The following MAD1L1 variants were observed in gnomAD, a reference collection of about 807,000 sequenced individuals.
MAD1L1 encodes mitotic arrest deficient 1 like 1, also known as mitotic spindle assembly checkpoint protein MAD1.
Under a neutral mutation model 96.9 loss-of-function variants are expected in MAD1L1, and 95 were observed. The ratio of observed to expected loss-of-function variants is 0.98; its 90% CI spans 0.83 to 1.16. MAD1L1 has a LOEUF of 1.16. MAD1L1 is among the 50% of genes most tolerant of loss of function. MAD1L1 has a pLI of 0.00. For missense variants in MAD1L1, 1,007 were observed against 954.4 expected, an observed-to-expected ratio of 1.06 and a Z score of -0.73; for synonymous variants, 473 against 396.6, an observed-to-expected ratio of 1.19 and a Z score of -2.29.
At chr7:2,056,485 C>G (rs373878516) in intron 12 of MAD1L1, among the ~76,000 whole-genome samples, 1 of 152,202 alleles carries the variant, frequency 6.6e-6, no homozygotes, top group African/African-American at 2.4e-5. Context: ...CAGATTTAGG[C>G]TCCCACTGGG....
At chr7:1,851,560 C>T (rs368545598) in intron 18 of MAD1L1, among the ~76,000 whole-genome samples, 2 of 152,046 alleles carry the variant, frequency 1.3e-5, no homozygotes, top group African/African-American at 4.8e-5. Flanking sequence ...TCTGAAAACT[C>T]GAGGAATGCA....
chr7:2,218,831 G>A (rs899079439), intron 6 of MAD1L1, among the ~76,000 whole-genome samples: 18 of 152,020 alleles, frequency 1.2e-4, no homozygotes, highest in East Asian at 9.6e-4. Context: ...CCCAGGAGGC[G>A]GAGGCTGCAG....
At chr7:2,129,170 G>C (rs1788386019) in intron 11 of MAD1L1, among the ~76,000 whole-genome samples, 1 of 152,202 alleles carries the variant, frequency 6.6e-6, no homozygotes, top group Non-Finnish European at 1.5e-5. Flanking sequence ...GGGCCCGCAG[G>C]ATCCCGGGGG....
chr7:2,050,005 G>T (rs529402791), intron 12 of MAD1L1, among the ~76,000 whole-genome samples: 1 of 130,206 alleles, frequency 7.7e-6, no homozygotes, highest in African/African-American at 3.0e-5. Context: ...CTCACCCAGC[G>T]TCTGCGGACA....
chr7:1,944,801 C>T lies in MAD1L1; in HGVS notation c.1597-7904G>A, dbSNP rs184463336. On this transcript the variant is annotated intron_variant, in intron 16 of 18. Transcript: ENST00000265854. Reference sequence around the variant, plus strand: ...GACCACAGTCTGCAGGACCAGGTGACGTCAGGGTGTGCCCACAGGGCCCTG... The same window carrying T: ...GACCACAGTCTGCAGGACCAGGTGATGTCAGGGTGTGCCCACAGGGCCCTG... Among the ~76,000 whole-genome samples the T allele has an allele frequency of 2.9e-3, 440 of 152,298 alleles. 1 individual carries two copies. The highest frequency in any genetic ancestry group is 0.01 in the African/African-American group (417 of 41,572).
chr7:1,948,565 G>A (rs1216686063), intron 16 of MAD1L1, among the ~76,000 whole-genome samples: 2 of 152,198 alleles, frequency 1.3e-5, no homozygotes, highest in Non-Finnish European at 2.9e-5. Flanking sequence ...GCAGCTCCAC[G>A]TGAAAGGCCA....
At chr7:1,898,442 G>A (rs753989678) in intron 17 of MAD1L1, 52 bp from the exon 18 acceptor site, 1 of 1,552,770 alleles carries the variant, frequency 6.4e-7, no homozygotes, top group Non-Finnish European at 8.8e-7. Flanking sequence ...CCGGAGGGGT[G>A]GGGACCCGGG....
intron 12 of MAD1L1, among the ~76,000 whole-genome samples, chr7:2,027,632 G>T (rs1365906282): frequency 1.3e-5 from 2 of 152,192 alleles, no homozygotes; most frequent in Non-Finnish European, 2.9e-5. Context: ...AAAGGCATTT[G>T]ATTAAAATTC....
At chr7:2,075,039 G>C (rs1365376069) in intron 11 of MAD1L1, among the ~76,000 whole-genome samples, 1 of 152,224 alleles carries the variant, frequency 6.6e-6, no homozygotes, top group Non-Finnish European at 1.5e-5. Flanking sequence ...GGGACGTGGA[G>C]AGCGGGCTGA....
chr7:2,017,608 G>A lies in MAD1L1; in HGVS notation c.1219-2966C>T, dbSNP rs539582681. Among the ~76,000 whole-genome samples, 40 of 152,326 alleles carry A rather than the reference G, an allele frequency of 2.6e-4. 1 individual carries two copies. The South Asian group carries it at 8.1e-3, about 31-fold the overall frequency. ...GGATCTGGGCGCCCTGGGAGGCAGC[G>A]GTGGGGAAGGGCACTCCAATCAGAG... On this transcript the variant is annotated intron_variant, in intron 12 of 18. Coordinates refer to ENST00000265854, the MANE Select transcript of MAD1L1 (RefSeq NM_001013836.2).
intron 14 of MAD1L1, among the ~76,000 whole-genome samples, chr7:1,981,450 G>C (rs888269612): frequency 1.3e-5 from 2 of 152,160 alleles, no homozygotes; most frequent in African/African-American, 4.8e-5. Context: ...TCCAGGGCCC[G>C]GGGGTGCTAA....
intron 12 of MAD1L1, among the ~76,000 whole-genome samples, chr7:2,017,492 G>A (rs1273003188): frequency 2.0e-5 from 3 of 152,220 alleles, no homozygotes; most frequent in Non-Finnish European, 2.9e-5. Context: ...TACACCGGCC[G>A]ATGGGGGCCG....
At chr7:1,961,773 G>A (rs765581223) in intron 15 of MAD1L1, among the ~76,000 whole-genome samples, 2 of 151,834 alleles carry the variant, frequency 1.3e-5, no homozygotes, top group African/African-American at 2.4e-5. Flanking sequence ...ATGAATCAGA[G>A]GGCAGTTTCC....
At chr7:2,126,229 C>T (rs1471393344) in intron 11 of MAD1L1, among the ~76,000 whole-genome samples, 1 of 152,226 alleles carries the variant, frequency 6.6e-6, no homozygotes, top group African/African-American at 2.4e-5. Context: ...ACAGGCAAGG[C>T]TCAGTGCGCG....
At chr7:1,973,173 G>A (rs1371622871) in intron 15 of MAD1L1, among the ~76,000 whole-genome samples, 1 of 152,228 alleles carries the variant, frequency 6.6e-6, no homozygotes, top group African/African-American at 2.4e-5. Flanking sequence ...GGCTGATGAG[G>A]ACACTCAGTT....
intron 12 of MAD1L1, among the ~76,000 whole-genome samples, chr7:2,039,237 G>A (rs1009194153): frequency 8.5e-5 from 13 of 152,196 alleles, no homozygotes; most frequent in African/African-American, 2.9e-4. Flanking sequence ...TCTGTGTGAC[G>A]GAGGCACTAC....
intron 10 of MAD1L1, among the ~76,000 whole-genome samples, chr7:2,155,543 CAT>C (rs1235289414): frequency 1.7e-4 from 26 of 152,242 alleles, no homozygotes; most frequent in Non-Finnish European, 2.9e-5. Context: ...ACTCCAGCCA[CAT>C]GAGTGGAGCC....
intron 18 of MAD1L1, among the ~76,000 whole-genome samples, chr7:1,855,696 TCCTC>T (rs1455446680): frequency 1.3e-5 from 2 of 152,074 alleles, no homozygotes; most frequent in Non-Finnish European, 2.9e-5. Flanking sequence ...TCCACAGTGC[TCCTC>T]CCTTCCTCCT....
chr7:1,958,623 A>G (rs1779827953), intron 15 of MAD1L1, among the ~76,000 whole-genome samples: 1 of 152,224 alleles, frequency 6.6e-6, no homozygotes, highest in Admixed American at 6.5e-5. Flanking sequence ...AACATCTAGA[A>G]CACAACAAGC....
Sources: allele counts gnomAD v4.1 joint callset (sites outside exome capture counted in the v4.1 genomes callset), GRCh38; gene constraint gnomAD v4.1.1; transcripts MANE v1.5; gene names NCBI Gene and HGNC (gene_info 2026-07-23, HGNC 2026-07-21).